Variants in ERBB4 observed in about 807,000 individuals in gnomAD.
ERBB4 encodes receptor tyrosine-protein kinase erbB-4.
Under a neutral mutation model 158.0 loss-of-function variants are expected in ERBB4, and 42 were observed. That is an observed-to-expected ratio of 0.27 (90% confidence interval 0.21 to 0.34). The LOEUF is 0.34. ERBB4 is among the 10% of genes least tolerant of loss of function. ERBB4 has a pLI of 1.00. For synonymous variants in ERBB4, 583 were observed against 558.7 expected (o/e 1.04, Z -0.61); for missense variants, 1,333 against 1,624.1 (o/e 0.82, Z 3.08).
chr2:212,214,969 T>TAATCTCATGAACATAAA (rs1364048750), intron 1 of ERBB4, among the ~76,000 whole-genome samples: 1 of 151,550 alleles, frequency 6.6e-6, no homozygotes, highest in Admixed American at 6.6e-5. Context: ...ATAAATTTAA[T>TAATCTCATGAACATAAA]TACATGAAGC....
chr2:212,442,078 C>T (rs77865588), intron 1 of ERBB4, among the ~76,000 whole-genome samples: 3,167 of 152,200 alleles, frequency 0.021, 95 homozygotes, highest in South Asian at 0.05. Flanking sequence ...GGCATGGCTA[C>T]CATAATGGAC....
intron 2 of ERBB4, among the ~76,000 whole-genome samples, chr2:211,981,090 A>G (rs960340121): frequency 2.4e-4 from 35 of 147,888 alleles, no homozygotes; most frequent in African/African-American, 8.0e-4. Flanking sequence ...TAACAATATT[A>G]TCTACAGAAA....
intron 19 of ERBB4, among the ~76,000 whole-genome samples, chr2:211,592,435 G>A (rs1475951958): frequency 6.6e-6 from 1 of 152,072 alleles, no homozygotes; most frequent in Non-Finnish European, 1.5e-5. Flanking sequence ...CTAAAAACGG[G>A]GTAGTAAAAA....
At chr2:211,573,791 C>G (rs2067811605) in intron 19 of ERBB4, among the ~76,000 whole-genome samples, 1 of 152,144 alleles carries the variant, frequency 6.6e-6, no homozygotes, top group Non-Finnish European at 1.5e-5. Flanking sequence ...ACTCATAACA[C>G]TCAGTGCTAG....
chr2:211,627,934 AC>A (rs1473806010), intron 17 of ERBB4, among the ~76,000 whole-genome samples: 1 of 152,160 alleles, frequency 6.6e-6, no homozygotes, highest in Non-Finnish European at 1.5e-5. Context: ...CACAATAACT[AC>A]CATGCATAAT....
intron 1 of ERBB4, among the ~76,000 whole-genome samples, chr2:212,507,387 T>C (rs1301090678): frequency 2.6e-5 from 4 of 152,180 alleles, no homozygotes; most frequent in Non-Finnish European, 4.4e-5. Flanking sequence ...TTTCAATTCT[T>C]ATTATTTATG....
intron 4 of ERBB4, among the ~76,000 whole-genome samples, chr2:211,760,988 G>A (rs974989391): frequency 1.3e-5 from 2 of 152,050 alleles, no homozygotes; most frequent in South Asian, 2.1e-4. Context: ...GGCGGATCAC[G>A]AGGTCAGGAG....
At chr2:211,759,491 G>T (rs1372278981) in intron 4 of ERBB4, among the ~76,000 whole-genome samples, 1 of 151,928 alleles carries the variant, frequency 6.6e-6, no homozygotes, top group Non-Finnish European at 1.5e-5. Flanking sequence ...TTTCCTCCGG[G>T]CTTACTCCTC....
At chr2:212,164,790 CTT>C (rs1474410639) in intron 1 of ERBB4, among the ~76,000 whole-genome samples, 1 of 151,846 alleles carries the variant, frequency 6.6e-6, no homozygotes, top group East Asian at 1.9e-4. Context: ...AAGAATTAAA[CTT>C]GATGAAGTTC....
At chr2:211,632,354 A>T (rs1306846266) in intron 16 of ERBB4, among the ~76,000 whole-genome samples, 3 of 152,090 alleles carry the variant, frequency 2.0e-5, no homozygotes, top group Non-Finnish European at 4.4e-5. Context: ...TTTTTAGCTC[A>T]AATGCTTAAC....
intron 16 of ERBB4, among the ~76,000 whole-genome samples, chr2:211,652,137 TTAACTG>T (rs2071010535): frequency 6.6e-6 from 1 of 152,184 alleles, no homozygotes; most frequent in African/African-American, 2.4e-5. Flanking sequence ...AGTAACCACT[TTAACTG>T]TATGAACAGT....
intron 3 of ERBB4, among the ~76,000 whole-genome samples, chr2:211,909,693 G>A (rs750686807): frequency 1.3e-5 from 2 of 151,690 alleles, no homozygotes; most frequent in Non-Finnish European, 2.9e-5. Flanking sequence ...CATGGTATAT[G>A]TAATGTGCTG....
chr2:212,462,123 T>A (rs913962236), intron 1 of ERBB4, among the ~76,000 whole-genome samples: 2 of 152,122 alleles, frequency 1.3e-5, no homozygotes, highest in Admixed American at 1.3e-4. Context: ...GAATAAAGAC[T>A]TAAATGGAAG....
chr2:211,862,330 A>G (rs1018897147), intron 3 of ERBB4, among the ~76,000 whole-genome samples: 14 of 152,188 alleles, frequency 9.2e-5, no homozygotes, highest in Admixed American at 5.2e-4. Context: ...TAATGCTATA[A>G]CATCTGTTTC....
At chr2:212,146,992 T>TTC (rs2080697754) in intron 1 of ERBB4, among the ~76,000 whole-genome samples, 2 of 132,976 alleles carry the variant, frequency 1.5e-5, no homozygotes, top group African/African-American at 5.7e-5. Flanking sequence ...TAGACTTTTT[T>TTC]TTTTTTTTTT....
Position 212,521,318 on chromosome 2 carries a change from GA to G in ERBB4, c.82+17130del, listed in dbSNP as rs1303319429. On this transcript the variant is annotated intron_variant, in intron 1 of 27. Coordinates refer to ENST00000342788, the MANE Select transcript of ERBB4 (RefSeq NM_005235.3). Reference sequence around the variant, plus strand: ...CAAAACTATAAAAACAGAATATGAAGAAAAAAAGGATTTGAGAAAACTGCCC... The same window carrying G: ...CAAAACTATAAAAACAGAATATGAAGAAAAAAGGATTTGAGAAAACTGCCC... Among the ~76,000 whole-genome samples, 3 of 151,404 alleles carry G rather than the reference GA, an allele frequency of 2.0e-5. No individual in the cohort carries two copies. In the East Asian group the frequency reaches 5.8e-4, roughly 29 times the overall value.
At chr2:212,180,714 A>C (rs1176889810) in intron 1 of ERBB4, among the ~76,000 whole-genome samples, 1 of 151,728 alleles carries the variant, frequency 6.6e-6, no homozygotes, top group Non-Finnish European at 1.5e-5. Flanking sequence ...GTGCAGATTT[A>C]TTATTTCCTA....
At chr2:212,423,707 T>C (rs946362775) in intron 1 of ERBB4, among the ~76,000 whole-genome samples, 1 of 152,194 alleles carries the variant, frequency 6.6e-6, no homozygotes, top group African/African-American at 2.4e-5. Flanking sequence ...ATTCTTTAAT[T>C]GAAGTCTGTG....
intron 1 of ERBB4, among the ~76,000 whole-genome samples, chr2:212,184,727 T>C (rs2081968080): frequency 6.6e-6 from 1 of 152,168 alleles, no homozygotes; most frequent in Non-Finnish European, 1.5e-5. Context: ...GAAATAATAA[T>C]AAAAATGTAG....
Sources: allele counts gnomAD v4.1 joint callset (sites outside exome capture counted in the v4.1 genomes callset), GRCh38; gene constraint gnomAD v4.1.1; transcripts MANE v1.5; gene names NCBI Gene and HGNC (gene_info 2026-07-23, HGNC 2026-07-21).